HIPK1: variants seen among roughly 807,000 people sequenced by gnomAD.
HIPK1 encodes homeodomain-interacting protein kinase 1.
HIPK1 carries 28 observed loss-of-function variants against 117.1 expected under a neutral mutation model. The observed-to-expected ratio is 0.24, with a 90% CI of 0.18 to 0.33. HIPK1 has a LOEUF of 0.33. Among genes scored for constraint, HIPK1 ranks in the 10% least tolerant of loss-of-function variants. HIPK1 has a pLI of 1.00. For synonymous variants in HIPK1, 605 were observed against 562.5 expected (o/e 1.08, Z -1.07); for missense variants, 1,122 against 1,475.1 (o/e 0.76, Z 3.92).
chr1:113,932,364 G>T (rs1669950537), intron 1 of HIPK1: 1 of 149,500 alleles, frequency 6.7e-6, no homozygotes, highest in African/African-American at 2.5e-5. Flanking sequence ...TGGCCTTTTT[G>T]GATCTGTTTT....
Position 113,968,693 on chromosome 1 carries a change from T to C in HIPK1, c.2771+45T>C, listed in dbSNP as rs199729938. ...CCTGGCTCTATTGGTTTTAGACTGTTGGCCTCAGGCAAGTGGGCCCAGTTT... is the reference window on the plus strand; with the variant it reads ...CCTGGCTCTATTGGTTTTAGACTGTCGGCCTCAGGCAAGTGGGCCCAGTTT... On this transcript the variant is annotated intron_variant, in intron 13 of 15. Transcript: ENST00000426820. The C allele has an allele frequency of 2.5e-4, 386 of 1,535,314 alleles. 1 individual carries two copies. The African/African-American group carries it at 4.3e-3, about 17-fold the overall frequency.
intron 2 of HIPK1, among the ~76,000 whole-genome samples, chr1:113,950,543 C>T (rs971807592): frequency 5.9e-5 from 9 of 152,242 alleles, no homozygotes; most frequent in South Asian, 2.1e-4. Context: ...CTCGCTCTGT[C>T]GCCCAGGCTG....
chr1:113,937,161 T>C (rs1395639319), intron 1 of HIPK1, among the ~76,000 whole-genome samples: 1 of 152,236 alleles, frequency 6.6e-6, no homozygotes, highest in Non-Finnish European at 1.5e-5. Context: ...TACTTTTTTT[T>C]CTCTTCAAAG....
chr1:113,952,924 A>G (rs775150559), intron 3 of HIPK1, 35 bp downstream of exon 3: 34 of 1,437,666 alleles, frequency 2.4e-5, no homozygotes, highest in Non-Finnish European at 3.1e-5. Context: ...ATAGAATGCA[A>G]ATAGTTACTT....
intron 9 of HIPK1, 149 bp from the exon 10 acceptor site, chr1:113,963,237 AG>A (rs2101424113): frequency 1.2e-6 from 1 of 847,894 alleles, no homozygotes; most frequent in Non-Finnish European, 1.8e-6. Flanking sequence ...ACAAAGTTGA[AG>A]GGGGAAAGTT....
rs1430421634 is a variant in HIPK1 at position 113,974,073 on chromosome 1, CAG to C, written c.*564_*565del. ...TTTGTTTATTGGACATTTAAACTTA[CAG>C]AGTTTCAGTTTTGTTTTAATGTCAT... On this transcript the variant is annotated 3_prime_UTR_variant, in exon 16 of 16. Coordinates refer to ENST00000426820, the MANE Select transcript of HIPK1 (RefSeq NM_198268.3). 1 of 152,314 alleles carries C rather than the reference CAG, an allele frequency of 6.6e-6. No individual in the cohort carries two copies. The highest frequency in any genetic ancestry group is 1.5e-5 in the Non-Finnish European group (1 of 68,046). The allele number at this position is 152,314 out of a possible 1,614,324, so 9.4% of individuals were successfully genotyped here.
At chr1:113,967,548 C>A (rs1195078269) in intron 11 of HIPK1, among the ~76,000 whole-genome samples, 1 of 152,080 alleles carries the variant, frequency 6.6e-6, no homozygotes, top group African/African-American at 2.4e-5. Flanking sequence ...CTATTCAATT[C>A]TTTTGCCCAT....
rs370969574 is a variant in HIPK1 at position 113,955,789 on chromosome 1, A to G, written c.1407+140A>G. ...ATAAAAAATGCATTAATATTCCACC[A>G]TGTAGTAAAGGAACATTTAAATCCT... is the stretch of plus-strand genomic sequence containing the variant. On this transcript the variant is annotated intron_variant, in intron 5 of 15. Transcript: ENST00000426820. 17 of 532,774 alleles carry G rather than the reference A, an allele frequency of 3.2e-5. 1 individual carries two copies. Among genetic ancestry groups the G allele is most frequent in the African/African-American group, 1.4e-4 (7 of 51,456 alleles). The allele number at this position is 532,774 out of a possible 1,614,324, so 33.0% of individuals were successfully genotyped here. A position where few individuals can be genotyped will look rare whatever the true frequency, so the allele number is the denominator to read the frequency against.
At chr1:113,940,255 AGAG>A (rs1385716618) in intron 1 of HIPK1, 124 bp from the exon 2 acceptor site, 29 of 872,992 alleles carry the variant, frequency 3.3e-5, no homozygotes, top group East Asian at 1.0e-4. Context: ...GTTTTTGAGA[AGAG>A]GAGAACATTA....
chr1:113,960,485 T>C (rs1477731627), intron 8 of HIPK1, among the ~76,000 whole-genome samples: 1 of 152,184 alleles, frequency 6.6e-6, no homozygotes, highest in African/African-American at 2.4e-5. Context: ...TGGTAACTAT[T>C]ATTCTGTAAT....
intron 1 of HIPK1, among the ~76,000 whole-genome samples, chr1:113,938,963 CTT>C (rs148583557): frequency 0.1 from 13,892 of 136,786 alleles, 1,361 homozygotes; most frequent in East Asian, 0.53. Flanking sequence ...CACACACACA[CTT>C]AGGAGATGGA....
chr1:113,938,449 C>A, intron 1 of HIPK1, among the ~76,000 whole-genome samples: 1 of 151,914 alleles, frequency 6.6e-6, no homozygotes, highest in Non-Finnish European at 1.5e-5. Flanking sequence ...TGAGAAACCC[C>A]GGGAGAAGGG....
intron 8 of HIPK1, among the ~76,000 whole-genome samples, chr1:113,958,725 A>G (rs1170410294): frequency 1.3e-5 from 2 of 152,260 alleles, no homozygotes; most frequent in Non-Finnish European, 2.9e-5. Flanking sequence ...TTATTCTAAA[A>G]TGTAAAAATC....
chr1:113,946,926 C>T (rs1671024947), intron 2 of HIPK1, among the ~76,000 whole-genome samples: 1 of 152,192 alleles, frequency 6.6e-6, no homozygotes, highest in Non-Finnish European at 1.5e-5. Flanking sequence ...ACTAGTTTTA[C>T]CCGCAGTGGT....
chr1:113,944,575 A>T lies in HIPK1; in HGVS notation c.1076+3116A>T, dbSNP rs901090109. ...CTCGGTTCACTGCAACCTCCACCTC[A>T]CAGGTTCAAGCAGTTCTCCTAGCTT... On this transcript the variant is annotated intron_variant, in intron 2 of 15. Coordinates refer to ENST00000426820, the MANE Select transcript of HIPK1 (RefSeq NM_198268.3). Among the ~76,000 whole-genome samples the T allele has an allele frequency of 3.4e-5, 5 of 149,054 alleles. No individual in the cohort carries two copies. In the Admixed American group the frequency reaches 3.4e-4, roughly 10 times the overall value.
chr1:113,968,445 C>T lies in HIPK1; in HGVS notation c.2568C>T (p.Ser856=). The part of the protein sequence containing the change: ...NKQSAPVSSK[S]SLDVLPSQVY... ...TCCATGTGAACTTTTCCTACAGGTC[C>T]TCTCTAGATGTTCTGCCTTCCCAAG... Residue 856 remains serine (S), a synonymous_variant, in exon 13 of 16, where the codon TCC becomes TCT. Transcript: ENST00000426820. 1.9e-6 allele frequency: 3 copies of T among 1,611,444 alleles called. No homozygotes were observed. Among genetic ancestry groups the T allele is most frequent in the Non-Finnish European group, 1.7e-6 (2 of 1,177,510 alleles).
chr1:113,948,780 T>G (rs1365667508), intron 2 of HIPK1, among the ~76,000 whole-genome samples: 7 of 152,098 alleles, frequency 4.6e-5, no homozygotes, highest in Middle Eastern at 3.4e-3. Context: ...GGAAGTGATA[T>G]TTTCCTTAAT....
intron 1 of HIPK1, among the ~76,000 whole-genome samples, chr1:113,932,508 T>TG (rs1669966341): frequency 7.1e-6 from 1 of 140,242 alleles, no homozygotes; most frequent in Admixed American, 7.0e-5. Flanking sequence ...TAGCTAGGAC[T>TG]ACAGGCACTA....
chr1:113,933,515 A>G (rs1174971469), intron 1 of HIPK1, among the ~76,000 whole-genome samples: 1 of 150,528 alleles, frequency 6.6e-6, no homozygotes, highest in Non-Finnish European at 1.5e-5. Flanking sequence ...TTTTTTTCAG[A>G]TGTGCATTTT....
Sources: allele counts gnomAD v4.1 joint callset (sites outside exome capture counted in the v4.1 genomes callset), GRCh38; gene constraint gnomAD v4.1.1; transcripts MANE v1.5; gene names NCBI Gene and HGNC (gene_info 2026-07-23, HGNC 2026-07-21).